Variants in PHACTR1 observed in about 807,000 individuals in gnomAD.
PHACTR1 encodes the protein phosphatase and actin regulator 1.
PHACTR1 carries 16 observed loss-of-function variants against 69.2 expected under a neutral mutation model. That is an observed-to-expected ratio of 0.23 (90% confidence interval 0.16 to 0.35). The LOEUF (loss-of-function observed/expected upper bound fraction) is 0.35, where lower values mean the gene tolerates loss of function less well. PHACTR1 is among the 10% of genes least tolerant of loss of function. PHACTR1 has a pLI of 1.00. For synonymous variants in PHACTR1, 312 were observed against 284.5 expected (o/e 1.10, Z -0.97); for missense variants, 510 against 734.7 (o/e 0.69, Z 3.54).
intron 4 of PHACTR1, among the ~76,000 whole-genome samples, chr6:13,022,316 A>G (rs1583005914): frequency 6.6e-6 from 1 of 152,226 alleles, no homozygotes; most frequent in Admixed American, 6.5e-5. Context: ...TTCCACCTGT[A>G]AAATGAATTT....
intron 8 of PHACTR1, among the ~76,000 whole-genome samples, chr6:13,212,091 G>A (rs2113918970): frequency 6.6e-6 from 1 of 152,300 alleles, no homozygotes; most frequent in East Asian, 1.9e-4. Flanking sequence ...CCCTCTGTGT[G>A]TGGTTGTTCC....
chr6:12,867,728 G>A (rs1415678876), intron 4 of PHACTR1, among the ~76,000 whole-genome samples: 1 of 152,178 alleles, frequency 6.6e-6, no homozygotes, highest in Admixed American at 6.5e-5. Context: ...TTTAAAGTCA[G>A]GTGACTACAT....
intron 5 of PHACTR1, among the ~76,000 whole-genome samples, chr6:13,134,269 G>A (rs888515118): frequency 6.6e-6 from 1 of 151,344 alleles, no homozygotes; most frequent in African/African-American, 2.4e-5. Flanking sequence ...GCCTCTGCCC[G>A]GCCGCCACCC....
At chr6:13,070,838 C>G (rs1048854436) in intron 5 of PHACTR1, among the ~76,000 whole-genome samples, 1 of 151,468 alleles carries the variant, frequency 6.6e-6, no homozygotes, top group African/African-American at 2.4e-5. Flanking sequence ...ACAGCAGCAA[C>G]CAAAAAAAAA....
intron 4 of PHACTR1, among the ~76,000 whole-genome samples, chr6:13,003,963 A>ATATATATATATATATATATATATG (rs890144098): frequency 1.1e-5 from 1 of 90,270 alleles, no homozygotes; most frequent in African/African-American, 6.1e-5. Flanking sequence ...ATATATATAT[A>ATATATATATATATATATATATATG]TGTATATATA....
intron 4 of PHACTR1, among the ~76,000 whole-genome samples, chr6:12,920,067 A>T (rs1758461551): frequency 6.6e-6 from 1 of 152,196 alleles, no homozygotes; most frequent in South Asian, 2.1e-4. Flanking sequence ...ATATGTAAAT[A>T]TTTTGCCTGA....
chr6:13,120,175 T>C (rs548632099), intron 5 of PHACTR1, among the ~76,000 whole-genome samples: 23 of 152,362 alleles, frequency 1.5e-4, no homozygotes, highest in African/African-American at 4.8e-4. Context: ...ACTTCCCTCC[T>C]GGTCTACAAT....
chr6:12,719,054 T>C (rs557920926), intron 3 of PHACTR1, among the ~76,000 whole-genome samples: 41 of 152,220 alleles, frequency 2.7e-4, no homozygotes, highest in Non-Finnish European at 4.7e-4. Flanking sequence ...GTTAAAAAAA[T>C]GCCCAACTTT....
chr6:12,974,036 C>T lies in PHACTR1; in HGVS notation c.251-79329C>T, dbSNP rs529771593. On this transcript the variant is annotated intron_variant, in intron 4 of 14. Coordinates refer to ENST00000332995, the MANE Select transcript of PHACTR1 (RefSeq NM_030948.6). The stretch of plus-strand genomic sequence containing the variant: ...TCCAGGGTTCAAGCGATTCTCCTGC[C>T]TCAGCCTCCCGAGTAACTGGAACAA... Among the ~76,000 whole-genome samples, 2 of 151,064 alleles carry T rather than the reference C, an allele frequency of 1.3e-5. 1 individual carries two copies. The highest frequency in any genetic ancestry group is 4.2e-4 in the South Asian group (2 of 4,776).
intron 4 of PHACTR1, among the ~76,000 whole-genome samples, chr6:12,878,249 T>C (rs1479644806): frequency 6.6e-6 from 1 of 152,180 alleles, no homozygotes; most frequent in African/African-American, 2.4e-5. Context: ...ATTTCAAAAA[T>C]ACAATTTGAT....
chr6:13,022,262 G>C (rs1047964337), intron 4 of PHACTR1, among the ~76,000 whole-genome samples: 1 of 152,218 alleles, frequency 6.6e-6, no homozygotes, highest in South Asian at 2.1e-4. Context: ...TTAGAATGAG[G>C]AGGCCGAGGG....
intron 4 of PHACTR1, among the ~76,000 whole-genome samples, chr6:12,903,416 G>C (rs1350362994): frequency 6.6e-6 from 1 of 152,178 alleles, no homozygotes; most frequent in Non-Finnish European, 1.5e-5. Flanking sequence ...ATAGCCAAAG[G>C]TTGCCTCACT....
intron 4 of PHACTR1, among the ~76,000 whole-genome samples, chr6:12,923,210 G>C (rs1342223494): frequency 6.6e-6 from 1 of 152,082 alleles, no homozygotes; most frequent in African/African-American, 2.4e-5. Context: ...GAGGAGACAG[G>C]GGTCTAGATA....
intron 10 of PHACTR1, chr6:13,267,231 C>A (rs1243703465): frequency 6.6e-6 from 1 of 152,266 alleles, no homozygotes; most frequent in African/African-American, 2.4e-5. Context: ...TGACACAGCA[C>A]TGGCACTAAT....
chr6:12,861,507 G>C lies in PHACTR1; in HGVS notation c.250+111717G>C, dbSNP rs61130722. Among the ~76,000 whole-genome samples the C allele has an allele frequency of 6.4e-3, 970 of 152,332 alleles. 18 individuals are homozygous for C. The highest frequency in any genetic ancestry group is 0.022 in the African/African-American group (896 of 41,582). On this transcript the variant is annotated intron_variant, in intron 4 of 14. Transcript: ENST00000332995. ...TGAATTGAAAAGAGGAAACAGAGAA[G>C]CTAAACTCCTTTACCAATGACTTCC...
At position 13,246,351 on chromosome 6, in the gene PHACTR1, G is replaced by T. The variant is rs1773581352; in HGVS notation, c.1391+16158G>T. On this transcript the variant is annotated intron_variant, in intron 10 of 14. Transcript: ENST00000332995. This position sits in a 1 kb window ranked among gnomAD's most constrained non-coding sequence, Gnocchi z 4.2. Reference sequence around the variant, plus strand: ...TTTCACGGCCACCATGATCTTCCTTGATCCCACTTAGCCAAAAGAACACTG... The same window carrying T: ...TTTCACGGCCACCATGATCTTCCTTTATCCCACTTAGCCAAAAGAACACTG... 6.6e-6 allele frequency among the ~76,000 whole-genome samples: 1 copy of T among 152,288 alleles called. No individual in the cohort carries two copies. The highest frequency in any genetic ancestry group is 1.9e-4 in the East Asian group (1 of 5,186).
intron 5 of PHACTR1, among the ~76,000 whole-genome samples, chr6:13,105,474 C>G (rs981658230): frequency 2.0e-5 from 3 of 152,038 alleles, no homozygotes; most frequent in Admixed American, 6.6e-5. Context: ...TTTTTTCCCC[C>G]CTTTAATTCT....
At chr6:13,044,848 C>G (rs1385248336) in intron 4 of PHACTR1, among the ~76,000 whole-genome samples, 1 of 152,206 alleles carries the variant, frequency 6.6e-6, no homozygotes, top group African/African-American at 2.4e-5. Flanking sequence ...GAGCACAGGT[C>G]CTTAGCAGAT....
chr6:12,881,176 C>T (rs377687957), intron 4 of PHACTR1, among the ~76,000 whole-genome samples: 2 of 151,742 alleles, frequency 1.3e-5, no homozygotes, highest in East Asian at 1.9e-4. Context: ...CAGGGAGCTG[C>T]GTGAAAGGCG....
Sources: gnomAD v4.1 joint callset for allele counts (sites outside exome capture counted in the v4.1 genomes callset) on GRCh38, gnomAD v4.1.1 for gene constraint, Gnocchi (gnomAD v3.1) non-coding constraint, MANE v1.5 for transcripts, NCBI Gene and HGNC (gene_info 2026-07-23, HGNC 2026-07-21) for gene names.